Variants in SEPTIN3 observed in about 807,000 individuals in gnomAD.
SEPTIN3 encodes the protein septin 3, also known as neuronal-specific septin-3.
In SEPTIN3, 15 loss-of-function variants were observed where a neutral mutation model predicts 45.1. That is an observed-to-expected ratio of 0.33 (90% CI 0.22 to 0.51). SEPTIN3 has a LOEUF of 0.51. SEPTIN3 is among the 20% of genes least tolerant of loss of function. SEPTIN3 has a pLI of 0.97. For synonymous variants in SEPTIN3, 148 were observed against 164.8 expected (o/e 0.90, Z 0.78); for missense variants, 289 against 457.2 (o/e 0.63, Z 3.35).
intron 11 of SEPTIN3, chr22:41,996,246 T>A: frequency 3.0e-6 from 3 of 985,282 alleles, no homozygotes; most frequent in Non-Finnish European, 3.6e-6. Context: ...TTTCCCCTGC[T>A]TGTTGTACAA....
chr22:41,983,702 G>A (rs748461718), intron 3 of SEPTIN3, among the ~76,000 whole-genome samples: 1 of 152,126 alleles, frequency 6.6e-6, no homozygotes, highest in Admixed American at 6.6e-5. Flanking sequence ...TCAACCTTCC[G>A]GTTTCAGCTT....
In SEPTIN3 at chr22:41,981,712, G is replaced by A. The variant is rs759843369; in HGVS notation, c.1572G>A (p.Ala524=). Residue 524 remains alanine (A), a synonymous_variant, in exon 3 of 12, where the codon GCG becomes GCA. Coordinates refer to ENST00000644076, the MANE Select transcript of SEPTIN3 (RefSeq NM_001363845.2). ...ELVPEPRPKP[A]VPMKPMSINS... ...TGCCTGAGCCCAGGCCTAAGCCAGC[G>A]GTGCCCATGAAGCCCATGAGCATCA... The A allele has an allele frequency of 4.3e-6, 7 of 1,614,034 alleles. No homozygotes were observed. Among genetic ancestry groups the A allele is most frequent in the Middle Eastern group, 3.3e-4 (2 of 6,044 alleles).
chr22:41,976,381 C>T lies in SEPTIN3; in HGVS notation c.1504+3385C>T, dbSNP rs2078020700. 6.6e-6 allele frequency: 1 copy of T among 152,338 alleles called. No homozygotes were observed. The highest frequency in any genetic ancestry group is 2.1e-4 in the South Asian group (1 of 4,838). The allele number at this position is 152,338 out of a possible 1,614,324, so 9.4% of individuals were successfully genotyped here. A position where few individuals can be genotyped will look rare whatever the true frequency, so the allele number is the denominator to read the frequency against. On this transcript the variant is annotated intron_variant, in intron 2 of 11. Coordinates refer to ENST00000644076, the MANE Select transcript of SEPTIN3 (RefSeq NM_001363845.2). The surrounding 1 kb of genome is among the most constrained non-coding windows in gnomAD (Gnocchi z 5.8). ...GTGAAATTTTTTTCTAATGGGCAAA[C>T]TGAGGCTCAGAGAAGTTCCTGTCTG...
At chr22:41,973,650 G>A (rs181753914) in intron 2 of SEPTIN3, among the ~76,000 whole-genome samples, 133 of 146,782 alleles carry the variant, frequency 9.1e-4, no homozygotes, top group South Asian at 1.7e-3. Context: ...TCCAGCCTGG[G>A]CGACAGAGCG....
intron 6 of SEPTIN3, among the ~76,000 whole-genome samples, chr22:41,988,476 CT>C (rs1482758265): frequency 6.6e-6 from 1 of 152,090 alleles, no homozygotes; most frequent in Middle Eastern, 3.2e-3. Flanking sequence ...CAGAGTTAAG[CT>C]CTTCAGAGGA....
At chr22:41,974,400 C>G (rs551919208) in intron 2 of SEPTIN3, among the ~76,000 whole-genome samples, 1 of 152,096 alleles carries the variant, frequency 6.6e-6, no homozygotes, top group East Asian at 1.9e-4. Flanking sequence ...CGTGGTGGCT[C>G]ACACCTATAA....
intron 2 of SEPTIN3, among the ~76,000 whole-genome samples, chr22:41,980,854 A>T (rs2078109588): frequency 6.6e-6 from 1 of 152,064 alleles, no homozygotes; most frequent in Non-Finnish European, 1.5e-5. Context: ...TCTGGTTCTC[A>T]TCCCCTCCCC....
At chr22:41,984,339 T>C (rs951727997) in intron 3 of SEPTIN3, among the ~76,000 whole-genome samples, 4 of 152,182 alleles carry the variant, frequency 2.6e-5, no homozygotes, top group Non-Finnish European at 5.9e-5. Flanking sequence ...CAGCCCAGTA[T>C]TTCTTAGATC....
At chr22:41,991,299 C>A (rs2078312300) in intron 7 of SEPTIN3, among the ~76,000 whole-genome samples, 1 of 152,088 alleles carries the variant, frequency 6.6e-6, no homozygotes, top group African/African-American at 2.4e-5. Context: ...GTCTCGCGGA[C>A]CCTGAGATGA....
chr22:41,975,198 T>C (rs2078005960), intron 2 of SEPTIN3, among the ~76,000 whole-genome samples: 1 of 152,124 alleles, frequency 6.6e-6, no homozygotes, highest in Non-Finnish European at 1.5e-5. Context: ...ATTCATTTGG[T>C]CTTAGAAAGC....
intron 6 of SEPTIN3, among the ~76,000 whole-genome samples, chr22:41,989,142 A>AAT: frequency 6.6e-6 from 1 of 151,694 alleles, no homozygotes; most frequent in East Asian, 1.9e-4. Context: ...AAAAAAAAAA[A>AAT]AAAAAGACAC....
chr22:41,995,934 T>A (rs913486989), intron 11 of SEPTIN3: 4 of 982,374 alleles, frequency 4.1e-6, no homozygotes, highest in Non-Finnish European at 4.8e-6. Flanking sequence ...ACATAATTTG[T>A]CTTTCTTAGT....
rs2078386764 is a variant in SEPTIN3, at chr22:41,994,415, C to T, written c.2411+74C>T. On this transcript the variant is annotated intron_variant, in intron 10 of 11. Transcript: ENST00000644076. This position sits in a 1 kb window ranked among gnomAD's most constrained non-coding sequence, Gnocchi z 4.2. ...GGGTCAGGGTCTATCTGTTCAGATTCACCTCCTGCATCTCCAGGTCTCTCT... is the reference window on the plus strand; with the variant it reads ...GGGTCAGGGTCTATCTGTTCAGATTTACCTCCTGCATCTCCAGGTCTCTCT... 4 of 1,535,408 alleles carry T rather than the reference C, an allele frequency of 2.6e-6. No individual in the cohort carries two copies. The highest frequency in any genetic ancestry group is 1.7e-5 in the Admixed American group (1 of 59,330).
chr22:41,997,308 A>C lies in SEPTIN3; in HGVS notation c.*341A>C. 3.4e-6 allele frequency: 1 copy of C among 289,872 alleles called. No homozygotes were observed. Among genetic ancestry groups the C allele is most frequent in the African/African-American group, 2.2e-5 (1 of 45,774 alleles). 18.0% of individuals were successfully genotyped at this position (289,872 alleles called of 1,614,324 possible). A position where few individuals can be genotyped will look rare whatever the true frequency, so the allele number is the denominator to read the frequency against. ...TGTAACCATCTCTAAGGGCAATGGC[A>C]TTGCTCCCTACCCATTCATCTGCAT... On this transcript the variant is annotated 3_prime_UTR_variant, in exon 12 of 12. Coordinates refer to ENST00000644076, the MANE Select transcript of SEPTIN3 (RefSeq NM_001363845.2).
At chr22:41,989,297 CAG>C (rs2146710559) in intron 6 of SEPTIN3, among the ~76,000 whole-genome samples, 1 of 152,142 alleles carries the variant, frequency 6.6e-6, no homozygotes, top group South Asian at 2.1e-4. Flanking sequence ...ATCCCTGAGT[CAG>C]AAAAGATGTC....
Position 41,972,411 on chromosome 22 carries a change from GCCAGAGA to G in SEPTIN3, c.921_927del (p.Arg308CysfsTer4), listed in dbSNP as rs2077969368. 2.5e-6 allele frequency: 1 copy of G among 399,010 alleles called. No individual in the cohort carries two copies. Among genetic ancestry groups the G allele is most frequent in the African/African-American group, 2.1e-5 (1 of 48,630 alleles). The allele number at this position is 399,010 out of a possible 1,614,324, so 24.7% of individuals were successfully genotyped here. A position where few individuals can be genotyped will look rare whatever the true frequency, so the allele number is the denominator to read the frequency against. ...TGCCCTGGATATCAAGCTGGGCACA[GCCAGAGA>G]CTTGTCTTCGGTAGGGACAGTCAAG... is the stretch of plus-strand genomic sequence containing the variant. On this transcript the variant is annotated frameshift_variant, in exon 2 of 12. Coordinates refer to ENST00000644076, the MANE Select transcript of SEPTIN3 (RefSeq NM_001363845.2). LOFTEE classifies it high-confidence loss of function.
At chr22:41,996,651 C>A in intron 11 of SEPTIN3, 2 of 1,308,380 alleles carry the variant, frequency 1.5e-6, no homozygotes, top group Non-Finnish European at 1.9e-6. Flanking sequence ...ACAGCAGCAG[C>A]GCTACAGCCC....
chr22:41,985,766 A>G (rs1420185824), intron 3 of SEPTIN3: 1 of 419,024 alleles, frequency 2.4e-6, no homozygotes, highest in African/African-American at 2.0e-5. Context: ...AGGAGAGAAT[A>G]TGGAATCCAA....
At chr22:41,987,941 C>G (rs1473124466) in intron 6 of SEPTIN3, among the ~76,000 whole-genome samples, 182 bp downstream of exon 6, 1 of 152,110 alleles carries the variant, frequency 6.6e-6, no homozygotes, top group Non-Finnish European at 1.5e-5. Context: ...AGACTTTCCA[C>G]GAGGAAGTTT....
Sources: gnomAD v4.1 joint callset for allele counts (sites outside exome capture counted in the v4.1 genomes callset) on GRCh38, gnomAD v4.1.1 for gene constraint, Gnocchi (gnomAD v3.1) non-coding constraint, MANE v1.5 for transcripts, NCBI Gene and HGNC (gene_info 2026-07-23, HGNC 2026-07-21) for gene names.